The following IPO4 variants were observed in gnomAD, a reference collection of about 807,000 sequenced individuals.
IPO4 encodes the protein importin-4.
IPO4 carries 91 observed loss-of-function variants against 133.5 expected under a neutral mutation model. That is an observed-to-expected ratio of 0.68 (90% CI 0.58 to 0.81). The LOEUF (loss-of-function observed/expected upper bound fraction) is 0.81. IPO4 is among the 30% of genes least tolerant of loss of function. The probability of loss-of-function intolerance (pLI) is 0.00; values close to 1 mark genes in which losing one functional copy is unlikely to be tolerated. For synonymous variants in IPO4, 607 were observed against 581.6 expected, an observed-to-expected ratio of 1.04 and a Z score of -0.63; for missense variants, 1,279 against 1,386.2, an observed-to-expected ratio of 0.92 and a Z score of 1.23.
In IPO4 at chr14:24,188,541, A is replaced by G. The variant is rs775556665; in HGVS notation, c.156+11T>C. On this transcript the variant is annotated intron_variant, in intron 2 of 29. Transcript: ENST00000354464. ...AGTGGGAAGCTCGGAGGGGAGAGTCAGGGGTCTCACCTGGGGGTCGGCCGC... is the reference window on the plus strand; with the variant it reads ...AGTGGGAAGCTCGGAGGGGAGAGTCGGGGGTCTCACCTGGGGGTCGGCCGC... 5.0e-6 allele frequency: 8 copies of G among 1,610,956 alleles called. No individual in the cohort carries two copies. The highest frequency in any genetic ancestry group is 6.8e-6 in the Non-Finnish European group (8 of 1,178,304).
chr14:24,185,621 A>G (rs1438857325), intron 12 of IPO4, 54 bp from the exon 13 acceptor site: 1 of 1,481,744 alleles, frequency 6.7e-7, no homozygotes, highest in African/African-American at 1.4e-5. Flanking sequence ...TGAGAGCCCT[A>G]GGCTGACCTG....
rs567601175 is a variant in IPO4, at chr14:24,182,954, G to A, written c.2421+22C>T. The A allele has an allele frequency of 2.7e-5, 43 of 1,613,008 alleles. 4 individuals are homozygous for A. The South Asian group carries it at 4.3e-4, about 16-fold the overall frequency. On this transcript the variant is annotated intron_variant, in intron 23 of 29. Transcript: ENST00000354464. ...CCGAGGCCCAGCACCTCTCCTTCCCGAAGCCCACCTGCCCTGCTCACCTTC... is the reference window on the plus strand; with the variant it reads ...CCGAGGCCCAGCACCTCTCCTTCCCAAAGCCCACCTGCCCTGCTCACCTTC...
rs200716623 is a variant in IPO4 at position 24,185,516 on chromosome 14, C to A, written c.1221G>T (p.Ser407=). ...QIVCKGLEDP[S]QVVRNAALFA... ...ACAGCGCAGCATTGCGTACAACTTG[C>A]GAGGGGTCCTCCAGGCCCTTGCACA... Residue 407 remains serine, a synonymous_variant, in exon 13 of 30, where the codon TCG becomes TCT. Coordinates refer to ENST00000354464, the MANE Select transcript of IPO4 (RefSeq NM_024658.4). 6.2e-7 allele frequency: 1 copy of A among 1,614,154 alleles called. No homozygotes were observed. Among genetic ancestry groups the A allele is most frequent in the Admixed American group, 1.7e-5 (1 of 60,022 alleles).
chr14:24,187,531 A>G lies in IPO4; in HGVS notation c.457T>C (p.Phe153Leu). The G allele has an allele frequency of 6.2e-7, 1 of 1,614,142 alleles. No individual in the cohort carries two copies. ...SVVVTSRPEA[F>L]QPHHRELLRL... is the part of the protein sequence containing the mutation. ...AGAAGCTCCCGGTGGTGGGGTTGGA[A>G]GGCCTCGGGCCGGGAGGTCACCACC... The change falls in exon 6 of 30, where the codon TTC becomes CTC. Residue 153 changes from phenylalanine (F) to leucine (L), a missense_variant. Physicochemically the swap from Phe to Leu is conservative, Grantham distance 22. Around this residue, in one of 3 missense-constraint regions of IPO4, gnomAD observed 695 missense variants for 704.1 expected, o/e 0.99. Transcript: ENST00000354464.
In IPO4 at chr14:24,182,488, G is replaced by A. The variant is rs907199184; in HGVS notation, c.2473-85C>T. The A allele has an allele frequency of 2.0e-6, 3 of 1,533,938 alleles. No individual in the cohort carries two copies. The African/African-American group carries it at 4.1e-5, about 21-fold the overall frequency. On this transcript the variant is annotated intron_variant, in intron 24 of 29. Transcript: ENST00000354464. Reference sequence around the variant, plus strand: ...TCCCACGCTCTGCCACCAGCTGCAGGGGTCCCTGGGGCTGCCCTTGGTTGA... The same window carrying A: ...TCCCACGCTCTGCCACCAGCTGCAGAGGTCCCTGGGGCTGCCCTTGGTTGA...
chr14:24,182,780 C>A lies in IPO4; in HGVS notation c.2472+12G>T, dbSNP rs2039160629. The A allele has an allele frequency of 1.2e-6, 2 of 1,614,060 alleles. No homozygotes were observed. Among genetic ancestry groups the A allele is most frequent in the Non-Finnish European group, 1.7e-6 (2 of 1,180,000 alleles). On this transcript the variant is annotated intron_variant, in intron 24 of 29. Transcript: ENST00000354464. Reference sequence around the variant, plus strand: ...GGACCGCCTGGTCCCCGTTTTTATCCCTGGCTCTCACCTGATCATCATCTT... The same window carrying A: ...GGACCGCCTGGTCCCCGTTTTTATCACTGGCTCTCACCTGATCATCATCTT...
rs761165035 is a variant in IPO4, at chr14:24,185,556, G to A, written c.1181C>T (p.Pro394Leu). Reference sequence around the variant, plus strand: ...GCCCTTGCACACAATCTGCAGCAGTGGGGGCAGCAGTCTGGATGGGGCAAA... The same window carrying A: ...GCCCTTGCACACAATCTGCAGCAGTAGGGGCAGCAGTCTGGATGGGGCAAA... Reference protein sequence around the residue: ...GDHIRQRLLPPLLQIVCKGLE... With the variant: ...GDHIRQRLLPLLLQIVCKGLE... Residue 394 changes from proline to leucine, a missense_variant, in exon 13 of 30, where the codon CCA becomes CTA. By Grantham distance (98) the Pro-to-Leu change is moderately conservative. Around this residue, in one of 3 missense-constraint regions of IPO4, gnomAD observed 695 missense variants for 704.1 expected, o/e 0.99. Transcript: ENST00000354464. 7 of 1,613,748 alleles carry A rather than the reference G, an allele frequency of 4.3e-6. No homozygotes were observed. The highest frequency in any genetic ancestry group is 4.5e-5 in the East Asian group (2 of 44,896).
chr14:24,184,538 C>T, intron 16 of IPO4, 112 bp downstream of exon 16: 4 of 1,430,354 alleles, frequency 2.8e-6, no homozygotes, highest in Non-Finnish European at 3.8e-6. Flanking sequence ...GAAGCACACC[C>T]CTTTGATGAG....
intron 16 of IPO4, 60 bp downstream of exon 16, chr14:24,184,590 C>T (rs1352606407): frequency 3.5e-6 from 5 of 1,439,026 alleles, no homozygotes; most frequent in Non-Finnish European, 3.8e-6. Context: ...TCTGTCAACA[C>T]CAGGTGAGCA....
In IPO4 at chr14:24,187,143, G is replaced by A; in HGVS notation, c.596C>T (p.Ala199Val). 6.2e-7 allele frequency: 1 copy of A among 1,613,744 alleles called. No homozygotes were observed. Among genetic ancestry groups the A allele is most frequent in the Non-Finnish European group, 8.5e-7 (1 of 1,179,762 alleles). The change falls in exon 7 of 30, where the codon GCT becomes GTT. Residue 199 changes from alanine to valine, a missense_variant. By Grantham distance (64) the Ala-to-Val change is moderately conservative. This residue lies in a region of IPO4 where 695 missense variants were observed against 704.1 expected (regional missense o/e 0.99). Coordinates refer to ENST00000354464, the MANE Select transcript of IPO4 (RefSeq NM_024658.4). ...PYLSTEDVPLARMLVPKLIMA... is the reference protein window; with the variant it reads ...PYLSTEDVPLVRMLVPKLIMA... ...GATCAGCTTGGGCACCAACATCCGA[G>A]CGAGAGGCTGAGGGACACATCACAG...
At position 24,187,582 on chromosome 14, in the gene IPO4, G is replaced by T; in HGVS notation, c.409-3C>A. 6.2e-7 allele frequency: 1 copy of T among 1,614,172 alleles called. No homozygotes were observed. Among genetic ancestry groups the T allele is most frequent in the Non-Finnish European group, 8.5e-7 (1 of 1,180,018 alleles). On this transcript the variant is annotated splice_polypyrimidine_tract_variant and splice_region_variant and intron_variant, in intron 5 of 29. Transcript: ENST00000354464. ...ACACTTAGCAGCAAAAGCCCCATCT[G>T]TCCAAGAATAGAGGATGGGAGAGCA...
intron 16 of IPO4, 80 bp from the exon 17 acceptor site, chr14:24,184,498 G>C (rs1163106428): frequency 2.0e-5 from 30 of 1,513,768 alleles, no homozygotes; most frequent in Non-Finnish European, 2.6e-5. Flanking sequence ...GAGGGATTCA[G>C]AAATCCCGCC....
chr14:24,185,412 G>T, intron 13 of IPO4, 47 bp downstream of exon 13: 1 of 1,610,656 alleles, frequency 6.2e-7, no homozygotes, highest in Non-Finnish European at 8.5e-7. Flanking sequence ...GAAAGATGAG[G>T]GGAAGGGGAC....
intron 16 of IPO4, 26 bp from the exon 17 acceptor site, chr14:24,184,444 A>G (rs1235518296): frequency 2.5e-6 from 4 of 1,596,636 alleles, no homozygotes; most frequent in Non-Finnish European, 3.4e-6. Context: ...CTCCATTAGC[A>G]CCAGGAGGTG....
rs754487503 is a variant in IPO4 at position 24,185,220 on chromosome 14, C to G, written c.1371G>C (p.Lys457Asn). 6.2e-7 allele frequency: 1 copy of G among 1,613,992 alleles called. No individual in the cohort carries two copies. The highest frequency in any genetic ancestry group is 1.3e-5 in the African/African-American group (1 of 74,924). Residue 457 changes from lysine (K) to asparagine (N), a missense_variant, in exon 14 of 30, where the codon AAG becomes AAC. Lys to Asn is a moderately conservative substitution (Grantham distance 94). Transcript: ENST00000354464. Reference sequence around the variant, plus strand: ...CAAAATTCTCCAGGGCATAGCAGGCCTTGGCTAGGTGGTGTGTGTGTCCAA... The same window carrying G: ...CAAAATTCTCCAGGGCATAGCAGGCGTTGGCTAGGTGGTGTGTGTGTCCAA... ...VPLGHTHHLA[K>N]ACYALENFVE...
In IPO4 at chr14:24,185,458, C is replaced by T. The variant is rs1268555069; in HGVS notation, c.1278+1G>A. Reference sequence around the variant, plus strand: ...TGGCTCCCACATTCAGCCTGGTTCACCTGTAGGTTTTCTGAGAACTGGCCC... The same window carrying T: ...TGGCTCCCACATTCAGCCTGGTTCATCTGTAGGTTTTCTGAGAACTGGCCC... On this transcript the variant is annotated splice_donor_variant, in intron 13 of 29. Coordinates refer to ENST00000354464, the MANE Select transcript of IPO4 (RefSeq NM_024658.4). LOFTEE classifies it high-confidence loss of function. 1 of 1,613,998 alleles carries T rather than the reference C, an allele frequency of 6.2e-7. No homozygotes were observed.
At position 24,186,735 on chromosome 14, in the gene IPO4, G is replaced by T; in HGVS notation, c.813C>A (p.Leu271=). Residue 271 remains leucine (L), a synonymous_variant, in exon 9 of 30, where the codon CTC becomes CTA. Coordinates refer to ENST00000354464, the MANE Select transcript of IPO4 (RefSeq NM_024658.4). ...TGCTCTTGACTTTGACCAAGAAAGT[G>T]AGGCAGCAGAGAATACGTATGCGTA... ...NAIRIRILCC[L]TFLVKVKSKA... is the part of the protein sequence containing the mutation. The T allele has an allele frequency of 6.2e-7, 1 of 1,614,168 alleles. No individual in the cohort carries two copies. The highest frequency in any genetic ancestry group is 8.5e-7 in the Non-Finnish European group (1 of 1,180,024).
In IPO4 at chr14:24,182,324, AAG is replaced by A; in HGVS notation, c.2550_2551del (p.Phe851CysfsTer104). 1 of 1,613,996 alleles carries A rather than the reference AAG, an allele frequency of 6.2e-7. No individual in the cohort carries two copies. The highest frequency in any genetic ancestry group is 8.5e-7 in the Non-Finnish European group (1 of 1,179,964). On this transcript the variant is annotated frameshift_variant, in exon 25 of 30. Transcript: ENST00000354464. LOFTEE classifies it high-confidence loss of function. ...CAGGAAACCGGCAAAGAATGGGGCA[AAG>A]GAGTCTCCCCCAGCCGCGGCTGCCA...
Position 24,186,370 on chromosome 14 carries a change from A to T in IPO4, c.922T>A (p.Leu308Met). The change falls in exon 10 of 30, where the codon TTG (leucine) becomes ATG (methionine). Residue 308 changes from leucine (L) to methionine (M), a missense_variant. Around this residue, in one of 3 missense-constraint regions of IPO4, gnomAD observed 695 missense variants for 704.1 expected, o/e 0.99. Transcript: ENST00000354464. Reference protein sequence around the residue: ...IVAAEPPPGQLDPEDQDSEEE... With the variant: ...IVAAEPPPGQMDPEDQDSEEE... The stretch of plus-strand genomic sequence containing the variant: ...TCTGAATCCTGGTCCTCGGGATCCA[A>T]CTGGCCTGGTGGGGGCTCAGCAGCC... 1 of 1,613,302 alleles carries T rather than the reference A, an allele frequency of 6.2e-7. No individual in the cohort carries two copies. Among genetic ancestry groups the T allele is most frequent in the East Asian group, 2.2e-5 (1 of 44,876 alleles).
Sources: allele counts gnomAD v4.1 joint callset, GRCh38; gene constraint gnomAD v4.1.1; regional missense constraint gnomAD v4.1.1; transcripts MANE v1.5; gene names NCBI Gene and HGNC (gene_info 2026-07-23, HGNC 2026-07-21).